Variants in DOK2 observed in about 807,000 individuals in gnomAD.
DOK2 encodes the protein docking protein 2, also known as docking protein 2, 56kD.
Under a neutral mutation model 26.0 loss-of-function variants are expected in DOK2, and 28 were observed. The ratio of observed to expected loss-of-function variants is 1.08; its 90% CI spans 0.80 to 1.48. The LOEUF (loss-of-function observed/expected upper bound fraction) is 1.48, where lower values mean the gene tolerates loss of function less well. DOK2 is among the 40% of genes most tolerant of loss of function. The pLI is 0.00. For missense variants in DOK2, 682 were observed against 558.2 expected (o/e 1.22, Z -2.23); for synonymous variants, 282 against 236.9 (o/e 1.19, Z -1.75).
Position 21,911,959 on chromosome 8 carries a change from C to G in DOK2, c.375G>C (p.Glu125Asp). The G allele has an allele frequency of 1.3e-6, 2 of 1,558,640 alleles. No individual in the cohort carries two copies. Among genetic ancestry groups the G allele is most frequent in the South Asian group, 2.4e-5 (2 of 84,740 alleles). Residue 125 changes from glutamate to aspartate, a missense_variant, in exon 3 of 5, where the codon GAG becomes GAC. Coordinates refer to ENST00000276420, the MANE Select transcript of DOK2 (RefSeq NM_003974.4). ...PGQRKELSGP[E>D]GKQSRPCMEE... Reference sequence around the variant, plus strand: ...CCATGCAGGGCCGGCTCTGCTTTCCCTCTGGCCCCGAGAGCTCCTTCCTCT... The same window carrying G: ...CCATGCAGGGCCGGCTCTGCTTTCCGTCTGGCCCCGAGAGCTCCTTCCTCT...
rs751438222 is a variant in DOK2 at position 21,912,342 on chromosome 8, G to A, written c.232C>T (p.Pro78Ser). ...AGGAAGAAGGCACTGGTGTCCCGGGGGCTGCTGGCCTCTCCGCCGGCCTCG... is the reference window on the plus strand; with the variant it reads ...AGGAAGAAGGCACTGGTGTCCCGGGAGCTGCTGGCCTCTCCGCCGGCCTCG... ...VAEAGGEASSPRDTSAFFLET... is the reference protein window; with the variant it reads ...VAEAGGEASSSRDTSAFFLET... Residue 78 changes from proline (P) to serine (S), a missense_variant, in exon 2 of 5, where the codon CCC becomes TCC. Coordinates refer to ENST00000276420, the MANE Select transcript of DOK2 (RefSeq NM_003974.4). 5 of 1,607,796 alleles carry A rather than the reference G, an allele frequency of 3.1e-6. No individual in the cohort carries two copies. Among genetic ancestry groups the A allele is most frequent in the Non-Finnish European group, 4.2e-6 (5 of 1,178,554 alleles).
In DOK2 at chr8:21,912,220, G is replaced by C. The variant is rs746943260; in HGVS notation, c.345+9C>G. The C allele has an allele frequency of 4.5e-6, 7 of 1,549,658 alleles. No individual in the cohort carries two copies. ...CCCCCTTGCCCTTTCCGCACCCCGCGCGACTCACGGGGAAGGCCAGGAGGC... is the reference window on the plus strand; with the variant it reads ...CCCCCTTGCCCTTTCCGCACCCCGCCCGACTCACGGGGAAGGCCAGGAGGC... On this transcript the variant is annotated intron_variant, in intron 2 of 4. Transcript: ENST00000276420.
At chr8:21,911,018 T>C (rs1372723895) in intron 3 of DOK2, 161 bp from the exon 4 acceptor site, 1 of 825,996 alleles carries the variant, frequency 1.2e-6, no homozygotes, top group South Asian at 1.8e-5. Flanking sequence ...AGCTGCTCTG[T>C]GCCAGGTCAT....
In DOK2 at chr8:21,912,363, C is replaced by T; in HGVS notation, c.211G>A (p.Ala71Thr). ...RLSDCLRVAE[A>T]GGEASSPRDT... is the part of the protein sequence containing the mutation. ...CGGGGGCTGCTGGCCTCTCCGCCGG[C>T]CTCGGCCACCCGCAGGCAGTCACTG... Residue 71 changes from alanine to threonine, a missense_variant, in exon 2 of 5, where the codon GCC (alanine) becomes ACC (threonine). Transcript: ENST00000276420. 2 of 1,605,980 alleles carry T rather than the reference C, an allele frequency of 1.2e-6. No individual in the cohort carries two copies. Among genetic ancestry groups the T allele is most frequent in the Non-Finnish European group, 1.7e-6 (2 of 1,177,918 alleles).
Position 21,909,066 on chromosome 8 carries a change from C to A in DOK2, c.*245G>T. On this transcript the variant is annotated 3_prime_UTR_variant, in exon 5 of 5. Coordinates refer to ENST00000276420, the MANE Select transcript of DOK2 (RefSeq NM_003974.4). Reference sequence around the variant, plus strand: ...CTAAATGCCCCAGGTTCCTCCTCAGCTGGGGAAAGAAAGAGGAGGAAGTGG... The same window carrying A: ...CTAAATGCCCCAGGTTCCTCCTCAGATGGGGAAAGAAAGAGGAGGAAGTGG... 2.4e-6 allele frequency: 1 copy of A among 416,076 alleles called. No individual in the cohort carries two copies. 25.8% of individuals were successfully genotyped at this position (416,076 alleles called of 1,614,324 possible). A position where few individuals can be genotyped will look rare whatever the true frequency, so the allele number is the denominator to read the frequency against.
In DOK2 at chr8:21,909,693, G is replaced by T. The variant is rs767991562; in HGVS notation, c.857C>A (p.Pro286Gln). The T allele has an allele frequency of 9.9e-6, 16 of 1,613,126 alleles. No individual in the cohort carries two copies. In the Admixed American group the frequency reaches 1.7e-4, roughly 17 times the overall value. ...DSLPPPSPTT[P>Q]VPAPRPRGQE... ...GCCCCGAGGCCGTGGAGCAGGCACC[G>T]GTGTGGTGGGTGAAGGCGGCGGCAG... The change falls in exon 5 of 5, where the codon CCG (proline) becomes CAG (glutamine). Residue 286 changes from proline to glutamine, a missense_variant. Pro to Gln is a moderately conservative substitution (Grantham distance 76, BLOSUM62 -1). Coordinates refer to ENST00000276420, the MANE Select transcript of DOK2 (RefSeq NM_003974.4).
At chr8:21,909,954 T>A (rs1349282797) in intron 4 of DOK2, 23 bp from the exon 5 acceptor site, 1 of 1,595,506 alleles carries the variant, frequency 6.3e-7, no homozygotes, top group Non-Finnish European at 8.5e-7. Flanking sequence ...GAAAGCAGGT[T>A]ATTGGCCAGG....
At chr8:21,911,372 T>A (rs373417397) in intron 3 of DOK2, among the ~76,000 whole-genome samples, 217 of 152,270 alleles carry the variant, frequency 1.4e-3, no homozygotes, top group African/African-American at 4.9e-3. Flanking sequence ...TTTGGGAGGC[T>A]GAGGCAGGTG....
In DOK2 at chr8:21,910,706, G is replaced by T; in HGVS notation, c.585C>A (p.Pro195=). ...PEPGTQLYDW[P]YRFLRRFGRD... ...GCCCAAAGCGCCGCAGAAACCTGTA[G>T]GGCCAGTCGTACAGCTGGGTCCCTG... Residue 195 remains proline, a synonymous_variant, in exon 4 of 5, where the codon CCC becomes CCA. Transcript: ENST00000276420. 6.2e-7 allele frequency: 1 copy of T among 1,614,062 alleles called. No homozygotes were observed. Among genetic ancestry groups the T allele is most frequent in the Admixed American group, 1.7e-5 (1 of 60,010 alleles).
rs1042819027 is a variant in DOK2, at chr8:21,909,212, G to A, written c.*99C>T. The A allele has an allele frequency of 1.9e-5, 27 of 1,407,328 alleles. No homozygotes were observed. In the Admixed American group the frequency reaches 4.8e-4, roughly 25 times the overall value. 87.2% of individuals were successfully genotyped at this position (1,407,328 alleles called of 1,614,324 possible). ...CCCCAACGAAGACAGGCCAGGCCTC[G>A]GGCTCCAGAAGGGGCAGAGGAGGTT... is the stretch of plus-strand genomic sequence containing the variant. On this transcript the variant is annotated 3_prime_UTR_variant, in exon 5 of 5. Transcript: ENST00000276420.
chr8:21,913,479 C>G (rs374647116), intron 1 of DOK2, 60 bp downstream of exon 1: 84 of 1,602,748 alleles, frequency 5.2e-5, no homozygotes, highest in Non-Finnish European at 6.9e-5. Context: ...CCTCTCCAAC[C>G]CAGGAATTCT....
At position 21,910,812 on chromosome 8, in the gene DOK2, G is replaced by C. The variant is rs1212819518; in HGVS notation, c.479C>G (p.Ala160Gly). 1 of 1,613,644 alleles carries C rather than the reference G, an allele frequency of 6.2e-7. No individual in the cohort carries two copies. Among genetic ancestry groups the C allele is most frequent in the Non-Finnish European group, 8.5e-7 (1 of 1,179,868 alleles). The change falls in exon 4 of 5, where the codon GCC becomes GGC. Residue 160 changes from alanine (A) to glycine (G), a missense_variant. Coordinates refer to ENST00000276420, the MANE Select transcript of DOK2 (RefSeq NM_003974.4). Reference protein sequence around the residue: ...EFAVTMRPTEASERCHLRGSY... With the variant: ...EFAVTMRPTEGSERCHLRGSY... ...CCCCCGCAGGTGGCACCTCTCACTG[G>C]CTTCTGTAGGTCTCATGGTCACAGC...
chr8:21,911,794 A>G (rs1021765559), intron 3 of DOK2, 107 bp downstream of exon 3: 8 of 1,264,638 alleles, frequency 6.3e-6, no homozygotes, highest in Non-Finnish European at 7.5e-6. Context: ...GGGGATAACC[A>G]CAAGGCAGGA....
chr8:21,911,124 C>T (rs909422341), intron 3 of DOK2: 5 of 477,924 alleles, frequency 1.0e-5, no homozygotes, highest in Non-Finnish European at 1.9e-5. Flanking sequence ...TCCTTCCTGC[C>T]CCTGTCGCCA....
chr8:21,909,282 G>C lies in DOK2; in HGVS notation c.*29C>G, dbSNP rs545656865. 2.1e-4 allele frequency: 317 copies of C among 1,517,126 alleles called. 2 individuals carry two copies. The highest frequency in any genetic ancestry group is 1.6e-3 in the Middle Eastern group (8 of 5,060). 94.0% of individuals were successfully genotyped at this position (1,517,126 alleles called of 1,614,324 possible). ...GAGGAGTCACCAGCAGAAGCCAAGG[G>C]GCGGTGGACCATCCCTCTGCTGCCT... On this transcript the variant is annotated 3_prime_UTR_variant, in exon 5 of 5. Coordinates refer to ENST00000276420, the MANE Select transcript of DOK2 (RefSeq NM_003974.4).
In DOK2 at chr8:21,909,263, T is replaced by G. The variant is rs752213003; in HGVS notation, c.*48A>C. 6.6e-7 allele frequency: 1 copy of G among 1,503,904 alleles called. No homozygotes were observed. The highest frequency in any genetic ancestry group is 8.9e-7 in the Non-Finnish European group (1 of 1,126,922). 93.2% of individuals were successfully genotyped at this position (1,503,904 alleles called of 1,614,324 possible). ...CTTCTGATGCAGTGGCCAGGAGGAG[T>G]CACCAGCAGAAGCCAAGGGGCGGTG... On this transcript the variant is annotated 3_prime_UTR_variant, in exon 5 of 5. Transcript: ENST00000276420.
At chr8:21,912,631 A>G (rs1809905253) in intron 1 of DOK2, 121 bp from the exon 2 acceptor site, 5 of 951,044 alleles carry the variant, frequency 5.3e-6, no homozygotes, top group East Asian at 2.7e-5. Flanking sequence ...GGAGATGGGG[A>G]GAGAGAGGTG....
intron 2 of DOK2, 68 bp downstream of exon 2, chr8:21,912,161 C>T (rs1809874802): frequency 6.7e-7 from 1 of 1,481,504 alleles, no homozygotes. Flanking sequence ...TAACACTTGC[C>T]CACAGGAAGT....
rs766181483 is a variant in DOK2 at position 21,909,514 on chromosome 8, C to T, written c.1036G>A (p.Asp346Asn). 24 of 1,614,136 alleles carry T rather than the reference C, an allele frequency of 1.5e-5. No homozygotes were observed. Among genetic ancestry groups the T allele is most frequent in the South Asian group, 2.2e-5 (2 of 91,082 alleles). ...TLPPRPDHIYDEPEGVAALSL... is the reference protein window; with the variant it reads ...TLPPRPDHIYNEPEGVAALSL... ...AGGGCAGCCACTCCCTCGGGCTCAT[C>T]GTATATGTGGTCAGGTCGAGGGGGC... Residue 346 changes from aspartate (D) to asparagine (N), a missense_variant, in exon 5 of 5, where the codon GAT becomes AAT. Asp to Asn is a conservative substitution (Grantham distance 23). Transcript: ENST00000276420.
Sources: gnomAD v4.1 joint callset for allele counts (sites outside exome capture counted in the v4.1 genomes callset) on GRCh38, gnomAD v4.1.1 for gene constraint, MANE v1.5 for transcripts, NCBI Gene and HGNC (gene_info 2026-07-23, HGNC 2026-07-21) for gene names.